The following ITPK1 variants were observed in gnomAD, a reference collection of about 807,000 sequenced individuals.
ITPK1 encodes the protein inositol 1,3,4-trisphosphate 5/6-kinase.
ITPK1 carries 21 observed loss-of-function variants against 45.3 expected under a neutral mutation model. That is an observed-to-expected ratio of 0.46 (90% confidence interval 0.33 to 0.67). ITPK1 has a LOEUF of 0.67. ITPK1 is among the 30% of genes least tolerant of loss of function. The probability of loss-of-function intolerance (pLI) is 0.02; values close to 1 mark genes in which losing one functional copy is unlikely to be tolerated. For missense variants in ITPK1, 474 were observed against 573.5 expected (o/e 0.83, Z 1.77); for synonymous variants, 258 against 253.6 (o/e 1.02, Z -0.16).
Position 92,958,268 on chromosome 14 carries a change from G to A in ITPK1, c.603C>T (p.Phe201=), listed in dbSNP as rs61729872. ...INHNAVLYKV[F]VVGESYTVVQ... ...CCACGGTGTAGGACTCGCCAACCAC[G>A]AACACCTTGTACAGGACGGCGTTGT... Residue 201 remains phenylalanine (F), a synonymous_variant, in exon 8 of 11, where the codon TTC becomes TTT. Transcript: ENST00000267615. The surrounding 1 kb of genome is among the most constrained non-coding windows in gnomAD (Gnocchi z 4.4). 8.0e-4 allele frequency: 1,299 copies of A among 1,613,756 alleles called. 5 individuals carry two copies. Among genetic ancestry groups the A allele is most frequent in the Middle Eastern group, 2.1e-3 (13 of 6,062 alleles).
At chr14:92,975,612 G>A (rs1346532899) in intron 5 of ITPK1, among the ~76,000 whole-genome samples, 1 of 152,214 alleles carries the variant, frequency 6.6e-6, no homozygotes, top group Non-Finnish European at 1.5e-5. Flanking sequence ...GGTAAACTGA[G>A]TCAAGCAGAC....
At chr14:92,953,740 G>A (rs914343117) in intron 8 of ITPK1, among the ~76,000 whole-genome samples, 3 of 152,212 alleles carry the variant, frequency 2.0e-5, no homozygotes, top group Non-Finnish European at 4.4e-5. Flanking sequence ...GTGCTGAGTG[G>A]GTGCCAGGAA....
intron 5 of ITPK1, among the ~76,000 whole-genome samples, chr14:92,973,454 T>C (rs900369732): frequency 2.6e-5 from 4 of 152,264 alleles, no homozygotes; most frequent in African/African-American, 9.6e-5. Context: ...AAGATGGCTG[T>C]GGCAGGACTG....
chr14:93,006,309 C>A (rs190948240), intron 4 of ITPK1, among the ~76,000 whole-genome samples: 3 of 152,182 alleles, frequency 2.0e-5, no homozygotes, highest in African/African-American at 7.2e-5. Flanking sequence ...ACAACCCATC[C>A]CCTCCCTGGT....
At chr14:93,031,070 C>T (rs1479759001) in intron 3 of ITPK1, among the ~76,000 whole-genome samples, 11 of 152,146 alleles carry the variant, frequency 7.2e-5, no homozygotes, top group Non-Finnish European at 2.9e-5. Flanking sequence ...ACCTCCGGAA[C>T]TGGGAGGGGT....
At chr14:93,105,967 A>T (rs1213977164) in intron 2 of ITPK1, among the ~76,000 whole-genome samples, 4 of 151,818 alleles carry the variant, frequency 2.6e-5, no homozygotes, top group Non-Finnish European at 4.4e-5. Context: ...AGCCTCCCAA[A>T]GTGCTGGGAT....
At chr14:92,954,854 C>T (rs1366586862) in intron 8 of ITPK1, among the ~76,000 whole-genome samples, 2 of 152,202 alleles carry the variant, frequency 1.3e-5, no homozygotes, top group Non-Finnish European at 2.9e-5. Flanking sequence ...GAGGGAAATC[C>T]TGAGCTGCCC....
At chr14:93,062,677 G>A (rs1468193346) in intron 3 of ITPK1, among the ~76,000 whole-genome samples, 1 of 152,108 alleles carries the variant, frequency 6.6e-6, no homozygotes, top group East Asian at 1.9e-4. Context: ...TCAGGCACTA[G>A]CAGGAGGCCC....
chr14:93,054,272 G>A (rs1332237952), intron 3 of ITPK1, among the ~76,000 whole-genome samples: 1 of 152,214 alleles, frequency 6.6e-6, no homozygotes, highest in East Asian at 1.9e-4. Context: ...CTGGCACAGG[G>A]CAAACAAGTA....
At chr14:93,019,031 G>C (rs1040337174) in intron 3 of ITPK1, among the ~76,000 whole-genome samples, 24 of 152,192 alleles carry the variant, frequency 1.6e-4, no homozygotes, top group African/African-American at 4.6e-4. Flanking sequence ...CCCAGAAAAA[G>C]CAGACTCTGA....
intron 10 of ITPK1, among the ~76,000 whole-genome samples, 189 bp from the exon 11 acceptor site, chr14:92,942,093 C>T (rs1467303129): frequency 2.0e-5 from 3 of 152,190 alleles, no homozygotes; most frequent in Admixed American, 6.5e-5. Flanking sequence ...AGCTTGGACG[C>T]CCAACCAGGT....
At chr14:93,054,490 G>GA (rs1323587362) in intron 3 of ITPK1, among the ~76,000 whole-genome samples, 1 of 151,822 alleles carries the variant, frequency 6.6e-6, no homozygotes, top group African/African-American at 2.4e-5. Flanking sequence ...AAACCATTGG[G>GA]AAAAAAACAA....
At chr14:93,098,960 A>C (rs1892199237) in intron 2 of ITPK1, among the ~76,000 whole-genome samples, 1 of 152,142 alleles carries the variant, frequency 6.6e-6, no homozygotes, top group African/African-American at 2.4e-5. Context: ...TAAGGGACCC[A>C]TACTCTAACC....
intron 5 of ITPK1, among the ~76,000 whole-genome samples, chr14:92,992,770 T>A (rs1421962076): frequency 6.6e-6 from 1 of 152,256 alleles, no homozygotes; most frequent in Non-Finnish European, 1.5e-5. Flanking sequence ...CAGACAGACC[T>A]GGCTGGATGC....
chr14:92,999,192 C>A (rs1566725401), intron 4 of ITPK1, among the ~76,000 whole-genome samples: 1 of 152,240 alleles, frequency 6.6e-6, no homozygotes, highest in Non-Finnish European at 1.5e-5. Context: ...GGGGCCCGGA[C>A]TGACCCCTAA....
At chr14:92,992,420 T>G (rs1886833021) in intron 5 of ITPK1, among the ~76,000 whole-genome samples, 1 of 152,194 alleles carries the variant, frequency 6.6e-6, no homozygotes, top group East Asian at 1.9e-4. Context: ...GGAGATGAAG[T>G]GCACAGCAGA....
chr14:93,069,733 T>C (rs1019882021), intron 3 of ITPK1: 18 of 152,318 alleles, frequency 1.2e-4, no homozygotes, highest in African/African-American at 4.3e-4. Flanking sequence ...GACCTTCCCT[T>C]GGGTCTTAGT....
chr14:93,088,379 A>G (rs1891737367), intron 2 of ITPK1, among the ~76,000 whole-genome samples: 1 of 133,182 alleles, frequency 7.5e-6, no homozygotes, highest in African/African-American at 2.9e-5. Flanking sequence ...TCCCTCTGTC[A>G]CCCAGGCTAG....
intron 3 of ITPK1, among the ~76,000 whole-genome samples, chr14:93,049,939 T>C (rs765333817): frequency 1.3e-5 from 2 of 151,876 alleles, no homozygotes; most frequent in Non-Finnish European, 2.9e-5. Flanking sequence ...GGAGTCAAGT[T>C]ACAAACACGG....
Sources: allele counts gnomAD v4.1 joint callset (sites outside exome capture counted in the v4.1 genomes callset), GRCh38; gene constraint gnomAD v4.1.1; non-coding constraint Gnocchi (gnomAD v3.1); transcripts MANE v1.5; gene names NCBI Gene and HGNC (gene_info 2026-07-23, HGNC 2026-07-21).